Variants in MACROD2 observed in about 807,000 individuals in gnomAD.
The protein encoded by MACROD2 is ADP-ribose glycohydrolase MACROD2.
MACROD2 carries 36 observed loss-of-function variants against 70.4 expected under a neutral mutation model. The observed-to-expected ratio is 0.51, with a 90% CI of 0.39 to 0.68. MACROD2 has a LOEUF of 0.68. Among genes scored for constraint, MACROD2 ranks in the 30% least tolerant of loss-of-function variants. The pLI is 0.00. For missense variants in MACROD2, 496 were observed against 538.4 expected (o/e 0.92, Z 0.78); for synonymous variants, 172 against 178.8 (o/e 0.96, Z 0.30).
chr20:15,911,629 C>T (rs2065239024), intron 10 of MACROD2, among the ~76,000 whole-genome samples: 1 of 152,044 alleles, frequency 6.6e-6, no homozygotes, highest in South Asian at 2.1e-4. Flanking sequence ...GTGAATAGTG[C>T]AAGGGTATGG....
intron 5 of MACROD2, among the ~76,000 whole-genome samples, chr20:14,760,025 A>T (rs190802302): frequency 6.6e-6 from 1 of 152,192 alleles, no homozygotes; most frequent in Admixed American, 6.5e-5. Context: ...TGAGTAAGGG[A>T]AGTGCTTACC....
intron 5 of MACROD2, among the ~76,000 whole-genome samples, chr20:14,865,930 C>A (rs1387702895): frequency 6.6e-6 from 1 of 152,138 alleles, no homozygotes; most frequent in Admixed American, 6.6e-5. Flanking sequence ...TTCTAAGGAA[C>A]TGGAAGGCAG....
intron 7 of MACROD2, among the ~76,000 whole-genome samples, chr20:15,440,802 C>T (rs2046485651): frequency 6.6e-6 from 1 of 152,146 alleles, no homozygotes; most frequent in African/African-American, 2.4e-5. Flanking sequence ...CTCCTCCTTC[C>T]TTTGGCTTTT....
chr20:15,400,343 C>A (rs1389662862), intron 6 of MACROD2, among the ~76,000 whole-genome samples: 1 of 152,126 alleles, frequency 6.6e-6, no homozygotes, highest in Non-Finnish European at 1.5e-5. Flanking sequence ...AGCACAGATG[C>A]TTGTTGCTTT....
At chr20:14,264,547 T>G (rs1408672115) in intron 3 of MACROD2, among the ~76,000 whole-genome samples, 1 of 152,198 alleles carries the variant, frequency 6.6e-6, no homozygotes, top group Non-Finnish European at 1.5e-5. Flanking sequence ...AGTGATCATC[T>G]GGAAAAGACA....
intron 3 of MACROD2, among the ~76,000 whole-genome samples, chr20:14,455,535 G>A (rs185057921): frequency 1.8e-4 from 27 of 151,860 alleles, no homozygotes; most frequent in African/African-American, 3.4e-4. Context: ...AACTGAGCTC[G>A]TAAATTAGTT....
At chr20:14,327,607 C>T (rs1430280098) in intron 3 of MACROD2, 3 of 1,276,366 alleles carry the variant, frequency 2.4e-6, no homozygotes, top group Admixed American at 5.8e-5. Context: ...GGCCAGCATA[C>T]TGAATATAAT....
intron 15 of MACROD2, among the ~76,000 whole-genome samples, chr20:16,016,093 C>A (rs2066925057): frequency 1.3e-5 from 2 of 151,918 alleles, no homozygotes; most frequent in Non-Finnish European, 2.9e-5. Context: ...AAAAATAGGT[C>A]TTTTGGGTCC....
chr20:15,161,855 A>G (rs960140179), intron 5 of MACROD2, among the ~76,000 whole-genome samples: 2 of 152,176 alleles, frequency 1.3e-5, no homozygotes, highest in African/African-American at 4.8e-5. Flanking sequence ...CAGAAGAATC[A>G]AAGTCAAAAT....
intron 5 of MACROD2, among the ~76,000 whole-genome samples, chr20:14,958,627 C>G (rs956384345): frequency 1.3e-5 from 2 of 152,172 alleles, no homozygotes; most frequent in Admixed American, 6.5e-5. Flanking sequence ...TTGCATGTTC[C>G]CCATGTCCAG....
chr20:15,987,800 T>C (rs1294447021), intron 15 of MACROD2, among the ~76,000 whole-genome samples: 1 of 152,210 alleles, frequency 6.6e-6, no homozygotes, highest in Non-Finnish European at 1.5e-5. Context: ...AAAACTATTC[T>C]GGTTAATTTA....
chr20:15,078,852 G>T (rs1453251830), intron 5 of MACROD2, among the ~76,000 whole-genome samples: 1 of 151,912 alleles, frequency 6.6e-6, no homozygotes, highest in East Asian at 1.9e-4. Flanking sequence ...TGTCATATTG[G>T]TCAGGCTGGT....
chr20:15,556,309 A>G (rs2048168292), intron 8 of MACROD2, among the ~76,000 whole-genome samples: 1 of 152,170 alleles, frequency 6.6e-6, no homozygotes, highest in African/African-American at 2.4e-5. Flanking sequence ...TGGTTACACC[A>G]ATATAAATGA....
In MACROD2 at chr20:15,204,878, CAAT is replaced by C. The variant is rs1264739747; in HGVS notation, c.419-25057_419-25055del. 2.0e-5 allele frequency among the ~76,000 whole-genome samples: 3 copies of C among 152,036 alleles called. No homozygotes were observed. The East Asian group carries it at 5.8e-4, about 29-fold the overall frequency. On this transcript the variant is annotated intron_variant, in intron 5 of 17. Transcript: ENST00000684519. ...ATGATGTAGAATCTTCCACGCACCC[CAAT>C]AATATGACTAAAGGACCACCAGCAA...
chr20:15,507,858 T>C (rs1015347129), intron 8 of MACROD2, among the ~76,000 whole-genome samples: 4 of 152,212 alleles, frequency 2.6e-5, no homozygotes, highest in African/African-American at 9.7e-5. Flanking sequence ...CATAGCCCTG[T>C]TGTGGTCAAT....
intron 3 of MACROD2, among the ~76,000 whole-genome samples, chr20:14,191,851 T>A (rs2081390778): frequency 6.6e-6 from 1 of 152,096 alleles, no homozygotes. Context: ...TCATATAGGG[T>A]CTTTTAGGTC....
Position 15,544,479 on chromosome 20 carries a change from A to G in MACROD2, c.645+44632A>G, listed in dbSNP as rs116574410. Among the ~76,000 whole-genome samples the G allele has an allele frequency of 9.4e-3, 1,432 of 152,288 alleles. 27 individuals are homozygous for G. The highest frequency in any genetic ancestry group is 0.031 in the African/African-American group (1,295 of 41,564). ...ATGCCATGGAGACATGTGCAAGACT[A>G]ATTTGTTTGTAGCAACAGAGAAGCC... On this transcript the variant is annotated intron_variant, in intron 8 of 17. Coordinates refer to ENST00000684519, the MANE Select transcript of MACROD2 (RefSeq NM_001351661.2).
chr20:15,025,928 A>G (rs913076616), intron 5 of MACROD2, among the ~76,000 whole-genome samples: 1 of 152,246 alleles, frequency 6.6e-6, no homozygotes, highest in Non-Finnish European at 1.5e-5. Flanking sequence ...AGCCTGGATC[A>G]TGAAGGTAAA....
In MACROD2 at chr20:14,170,763, A is replaced by G. The variant is rs1402653433; in HGVS notation, c.271+85035A>G. On this transcript the variant is annotated intron_variant, in intron 3 of 17. Transcript: ENST00000684519. ...TTGGTTAGCTAGTATTTCGTTGAGG[A>G]TTTTTGCATCTATGTTCATTAGGGA... 2.6e-5 allele frequency among the ~76,000 whole-genome samples: 4 copies of G among 151,890 alleles called. No individual in the cohort carries two copies. The East Asian group carries it at 7.7e-4, about 29-fold the overall frequency.
Sources: gnomAD v4.1 joint callset for allele counts (sites outside exome capture counted in the v4.1 genomes callset) on GRCh38, gnomAD v4.1.1 for gene constraint, MANE v1.5 for transcripts, NCBI Gene and HGNC (gene_info 2026-07-23, HGNC 2026-07-21) for gene names.